The following DMD variants were observed in gnomAD, a reference collection of about 807,000 sequenced individuals.
The protein encoded by DMD is mutant dystrophin.
Under a neutral mutation model 330.1 loss-of-function variants are expected in DMD, and 63 were observed. The observed-to-expected ratio is 0.19, with a 90% CI of 0.16 to 0.24. The LOEUF is 0.24. DMD is among the 10% of genes least tolerant of loss of function. The probability of loss-of-function intolerance (pLI) is 1.00; values close to 1 mark genes in which losing one functional copy is unlikely to be tolerated. For synonymous variants in DMD, 1,223 were observed against 959.8 expected (o/e 1.27, Z -5.07); for missense variants, 3,344 against 2,684.1 (o/e 1.25, Z -5.43).
At chrX:31,806,084 T>C (rs546914990) in intron 50 of DMD, among the ~76,000 whole-genome samples, 3 of 112,362 alleles carry the variant, frequency 2.7e-5, no homozygotes, top group Non-Finnish European at 5.6e-5. Flanking sequence ...CCAAAATATT[T>C]ACTATCTGGC....
chrX:32,000,157 C>T (rs1189582316), intron 44 of DMD, among the ~76,000 whole-genome samples: 2 of 111,967 alleles, frequency 1.8e-5, no homozygotes, highest in Non-Finnish European at 3.8e-5. Flanking sequence ...TTGGACAATC[C>T]ATGCACAATT....
chrX:32,890,959 T>C (rs899557378), intron 2 of DMD, among the ~76,000 whole-genome samples: 1 of 112,172 alleles, frequency 8.9e-6, no homozygotes, highest in Non-Finnish European at 1.9e-5. Flanking sequence ...AAATGTAAAA[T>C]ATCCTCCAAC....
chrX:32,320,109 T>A (rs2097604530), intron 41 of DMD, among the ~76,000 whole-genome samples: 1 of 110,983 alleles, frequency 9.0e-6, no homozygotes, highest in Non-Finnish European at 1.9e-5. Flanking sequence ...TATTTCACCC[T>A]CCTATATCGC....
intron 61 of DMD, among the ~76,000 whole-genome samples, chrX:31,341,891 G>GCGCGCACACACACACA (rs374298104): frequency 8.1e-5 from 8 of 98,893 alleles, no homozygotes; most frequent in Admixed American, 2.2e-4. Context: ...GTGCGCGCGC[G>GCGCGCACACACACACA]CACACACACA....
intron 55 of DMD, among the ~76,000 whole-genome samples, chrX:31,537,048 G>C (rs62590898): frequency 0.3 from 32,755 of 110,747 alleles, 4,094 homozygotes; most frequent in African/African-American, 0.47. Flanking sequence ...ATGCCTGAAC[G>C]TACTGCAATC....
At chrX:31,965,128 G>A (rs192099799) in intron 45 of DMD, among the ~76,000 whole-genome samples, 40 of 111,402 alleles carry the variant, frequency 3.6e-4, no homozygotes, top group African/African-American at 1.3e-3. Context: ...ATTGCTTGAA[G>A]GCCTGGCTCC....
chrX:31,706,381 C>G (rs1262239023), intron 52 of DMD, among the ~76,000 whole-genome samples: 1 of 110,760 alleles, frequency 9.0e-6, no homozygotes, highest in Non-Finnish European at 1.9e-5. Context: ...TACATATTAG[C>G]CAGGCAGTTA....
chrX:32,658,422 T>A (rs892589294), intron 9 of DMD, among the ~76,000 whole-genome samples: 1 of 111,133 alleles, frequency 9.0e-6, no homozygotes, highest in Admixed American at 9.7e-5. Context: ...TGCCCCCAAC[T>A]CAGCTCTGTC....
chrX:32,668,501 C>T (rs936910043), intron 9 of DMD, among the ~76,000 whole-genome samples: 11 of 111,924 alleles, frequency 9.8e-5, no homozygotes, highest in African/African-American at 3.6e-4. Flanking sequence ...AAGGTTCCTT[C>T]GCATCTCTGC....
intron 6 of DMD, among the ~76,000 whole-genome samples, chrX:32,813,695 A>G (rs1194651711): frequency 9.0e-6 from 1 of 111,726 alleles, no homozygotes; most frequent in African/African-American, 3.2e-5. Flanking sequence ...AAATGTTACA[A>G]ATACTACTGA....
chrX:33,197,391 G>A (rs2051006251), intron 1 of DMD, among the ~76,000 whole-genome samples: 1 of 111,773 alleles, frequency 8.9e-6, no homozygotes, highest in Non-Finnish European at 1.9e-5. Context: ...ATAATTCATA[G>A]AGCTTATTCG....
chrX:32,538,052 T>C (rs1408133849), intron 17 of DMD, among the ~76,000 whole-genome samples: 1 of 112,257 alleles, frequency 8.9e-6, no homozygotes, highest in Non-Finnish European at 1.9e-5. Context: ...GCTTTAATTC[T>C]AGTGGATGAA....
intron 59 of DMD, among the ~76,000 whole-genome samples, chrX:31,445,298 T>C (rs1037106165): frequency 9.0e-6 from 1 of 111,503 alleles, no homozygotes; most frequent in African/African-American, 3.3e-5. Context: ...AAAACAAACT[T>C]GCAGAGGTTT....
chrX:31,278,447 G>A (rs2052357303), intron 62 of DMD, among the ~76,000 whole-genome samples: 1 of 111,288 alleles, frequency 9.0e-6, no homozygotes, highest in Non-Finnish European at 1.9e-5. Context: ...CACATGAGAT[G>A]CTGCAGGGGC....
chrX:33,185,739 C>T (rs764456123), intron 1 of DMD, among the ~76,000 whole-genome samples: 2 of 111,785 alleles, frequency 1.8e-5, no homozygotes, highest in South Asian at 7.5e-4. Flanking sequence ...CCTGGTTTCT[C>T]TACTTCTGTT....
chrX:33,083,143 C>T (rs765494282), intron 1 of DMD, among the ~76,000 whole-genome samples: 122 of 111,786 alleles, frequency 1.1e-3, no homozygotes, highest in African/African-American at 3.8e-3. Context: ...CTGCAGCTTC[C>T]AGAAGAACGG....
At chrX:31,747,474 T>G (rs751257399) in intron 51 of DMD, among the ~76,000 whole-genome samples, 1 of 111,322 alleles carries the variant, frequency 9.0e-6, no homozygotes, top group Non-Finnish European at 1.9e-5. Flanking sequence ...ATTTTAGACA[T>G]ACTTGTCTAT....
At chrX:32,593,453 C>T (rs747304360) in intron 13 of DMD, among the ~76,000 whole-genome samples, 11 of 111,441 alleles carry the variant, frequency 9.9e-5, no homozygotes, top group African/African-American at 2.6e-4. Flanking sequence ...GTACCAAGAG[C>T]GCAGTTCCCA....
chrX:32,664,372 G>C (rs1428819890), intron 9 of DMD, among the ~76,000 whole-genome samples: 2 of 108,658 alleles, frequency 1.8e-5, no homozygotes, highest in African/African-American at 6.7e-5. Context: ...CTCCCGAGTA[G>C]CTGGGACTAC....
Sources: gnomAD v4.1 joint callset for allele counts (sites outside exome capture counted in the v4.1 genomes callset) on GRCh38, gnomAD v4.1.1 for gene constraint, MANE v1.5 for transcripts, NCBI Gene and HGNC (gene_info 2026-07-23, HGNC 2026-07-21) for gene names.